The following LUM variants were observed in gnomAD, a reference collection of about 807,000 sequenced individuals.
LUM encodes lumican.
LUM carries 13 observed loss-of-function variants against 20.5 expected under a neutral mutation model. That is an observed-to-expected ratio of 0.63 (90% confidence interval 0.41 to 1.01). The LOEUF (loss-of-function observed/expected upper bound fraction) is 1.01. LUM is among the 50% of genes least tolerant of loss of function. The pLI is 0.00. For synonymous variants in LUM, 173 were observed against 151.5 expected (o/e 1.14, Z -1.04); for missense variants, 321 against 391.1 (o/e 0.82, Z 1.51).
intron 2 of LUM, among the ~76,000 whole-genome samples, chr12:91,107,199 A>AAAAGAAAGAAAGAAAG (rs71097876): frequency 4.3e-5 from 2 of 46,390 alleles, no homozygotes; most frequent in African/African-American, 1.8e-4. Context: ...GAAGGAAAGA[A>AAAAGAAAGAAAGAAAG]AAAGAAAGAA....
rs1201897527 is a variant in LUM, at chr12:91,111,446, T to C, written c.-70A>G. The C allele has an allele frequency of 6.7e-6, 1 of 149,330 alleles. No individual in the cohort carries two copies. The highest frequency in any genetic ancestry group is 1.5e-5 in the Non-Finnish European group (1 of 67,932). 9.3% of individuals were successfully genotyped at this position (149,330 alleles called of 1,614,324 possible). A position where few individuals can be genotyped will look rare whatever the true frequency, so the allele number is the denominator to read the frequency against. The stretch of plus-strand genomic sequence containing the variant: ...GTTAATTCTTAAAGCAGATGCACTA[T>C]GGACAAGAATCCACCAATATATGCT... On this transcript the variant is annotated 5_prime_UTR_variant, in exon 1 of 3. Coordinates refer to ENST00000266718, the MANE Select transcript of LUM (RefSeq NM_002345.4).
intron 1 of LUM, among the ~76,000 whole-genome samples, chr12:91,110,318 C>T (rs913807803): frequency 1.3e-5 from 2 of 152,060 alleles, no homozygotes; most frequent in Non-Finnish European, 2.9e-5. Flanking sequence ...CTGAAAACGT[C>T]TTTTATTTGT....
chr12:91,110,647 G>C (rs557834766), intron 1 of LUM, among the ~76,000 whole-genome samples: 10 of 152,116 alleles, frequency 6.6e-5, no homozygotes, highest in Non-Finnish European at 1.5e-4. Context: ...CAACTATAAT[G>C]TGAGTATTAA....
Position 91,108,466 on chromosome 12 carries a change from T to C in LUM, c.514A>G (p.Lys172Glu), listed in dbSNP as rs1181608361. The change falls in exon 2 of 3, where the codon AAA becomes GAA. Residue 172 changes from lysine (K) to glutamate (E), a missense_variant. Lys to Glu is a moderately conservative substitution (Grantham distance 56, BLOSUM62 1). Coordinates refer to ENST00000266718, the MANE Select transcript of LUM (RefSeq NM_002345.4). The surrounding 1 kb of genome is among the most constrained non-coding windows in gnomAD (Gnocchi z 4.2). ...AAAGCAGCTGAAACAGCATCCTCTTTCAGCCGATTGTGCTGGAGATGGATG... is the reference window on the plus strand; with the variant it reads ...AAAGCAGCTGAAACAGCATCCTCTTCCAGCCGATTGTGCTGGAGATGGATG... Reference protein sequence around the residue: ...TFIHLQHNRLKEDAVSAAFKG... With the variant: ...TFIHLQHNRLEEDAVSAAFKG... 2 of 1,614,108 alleles carry C rather than the reference T, an allele frequency of 1.2e-6. No homozygotes were observed.
intron 2 of LUM, among the ~76,000 whole-genome samples, chr12:91,107,350 A>AGG (rs1880102738): frequency 7.1e-6 from 1 of 140,946 alleles, no homozygotes; most frequent in African/African-American, 2.5e-5. Context: ...AGAAAGGGAA[A>AGG]GAAAGGAAGG....
chr12:91,104,481 C>T (rs1879987406), intron 2 of LUM, among the ~76,000 whole-genome samples, 162 bp from the exon 3 acceptor site: 2 of 152,066 alleles, frequency 1.3e-5, no homozygotes, highest in Admixed American at 1.3e-4. Flanking sequence ...AGGCATATTT[C>T]AGGCTACCAA....
At position 91,104,161 on chromosome 12, in the gene LUM, G is replaced by A. The variant is rs367992395; in HGVS notation, c.*4C>T. ...CCATAAAATATTGTTCCAGGATACA[G>A]ATATTAATTAAGAGTGACTTCGTTA... On this transcript the variant is annotated 3_prime_UTR_variant, in exon 3 of 3. Coordinates refer to ENST00000266718, the MANE Select transcript of LUM (RefSeq NM_002345.4). 9 of 1,608,064 alleles carry A rather than the reference G, an allele frequency of 5.6e-6. No individual in the cohort carries two copies. Among genetic ancestry groups the A allele is most frequent in the East Asian group, 2.2e-5 (1 of 44,698 alleles).
intron 2 of LUM, among the ~76,000 whole-genome samples, chr12:91,107,327 A>AAG (rs1880099110): frequency 6.9e-6 from 1 of 144,752 alleles, no homozygotes; most frequent in African/African-American, 2.5e-5. Flanking sequence ...GAAAGAAAGA[A>AAG]AGAAAGAAAG....
At position 91,103,994 on chromosome 12, in the gene LUM, G is replaced by A; in HGVS notation, c.*171C>T. 1.8e-6 allele frequency: 1 copy of A among 560,152 alleles called. No homozygotes were observed. The highest frequency in any genetic ancestry group is 2.4e-5 in the South Asian group (1 of 41,710). 34.7% of individuals were successfully genotyped at this position (560,152 alleles called of 1,614,324 possible). A position where few individuals can be genotyped will look rare whatever the true frequency, so the allele number is the denominator to read the frequency against. ...TTCGTGTATATGTGTGTGTTCTTGT[G>A]ATGAAATAGGCCTGCCTTTCATCTT... On this transcript the variant is annotated 3_prime_UTR_variant, in exon 3 of 3. Coordinates refer to ENST00000266718, the MANE Select transcript of LUM (RefSeq NM_002345.4).
intron 1 of LUM, among the ~76,000 whole-genome samples, 172 bp from the exon 2 acceptor site, chr12:91,109,172 G>T (rs570109117): frequency 6.6e-6 from 1 of 152,190 alleles, no homozygotes; most frequent in Non-Finnish European, 1.5e-5. Context: ...GGACAAAGGT[G>T]TATGTTTACA....
chr12:91,110,140 C>T (rs1290393439), intron 1 of LUM, among the ~76,000 whole-genome samples: 1 of 152,056 alleles, frequency 6.6e-6, no homozygotes, highest in African/African-American at 2.4e-5. Flanking sequence ...ATAGAGTGAA[C>T]AGTTGTGGCT....
At chr12:91,104,476 T>C (rs527446594) in intron 2 of LUM, among the ~76,000 whole-genome samples, 157 bp from the exon 3 acceptor site, 28 of 152,262 alleles carry the variant, frequency 1.8e-4, no homozygotes, top group African/African-American at 6.7e-4. Flanking sequence ...ATTAAAGGCA[T>C]ATTTCAGGCT....
Position 91,108,802 on chromosome 12 carries a change from T to C in LUM, c.178A>G (p.Ser60Gly). ...AMYCDELKLK[S>G]VPMVPPGIKY... The stretch of plus-strand genomic sequence containing the variant: ...ATTCCAGGAGGCACCATTGGTACAC[T>C]TTTCAATTTCAGCTCATCACAGTAC... Residue 60 changes from serine to glycine, a missense_variant, in exon 2 of 3, where the codon AGT (serine) becomes GGT (glycine). Coordinates refer to ENST00000266718, the MANE Select transcript of LUM (RefSeq NM_002345.4). The surrounding 1 kb of genome is among the most constrained non-coding windows in gnomAD (Gnocchi z 4.2). 2.5e-6 allele frequency: 4 copies of C among 1,614,090 alleles called. No individual in the cohort carries two copies. Among genetic ancestry groups the C allele is most frequent in the Non-Finnish European group, 3.4e-6 (4 of 1,179,984 alleles).
chr12:91,105,553 A>C (rs1880012091), intron 2 of LUM, among the ~76,000 whole-genome samples: 1 of 152,202 alleles, frequency 6.6e-6, no homozygotes, highest in Non-Finnish European at 1.5e-5. Flanking sequence ...TTTCTGTATT[A>C]AGTGAATGTG....
rs1349391057 is a variant in LUM at position 91,108,050 on chromosome 12, T to C, written c.862+68A>G. On this transcript the variant is annotated intron_variant, in intron 2 of 2. Transcript: ENST00000266718. The surrounding 1 kb of genome is among the most constrained non-coding windows in gnomAD (Gnocchi z 4.2). ...TTTTAATGGAGCCAGATGCAATATC[T>C]GTGTTGTGCAGCCCAGGTATTTAAA... is the stretch of plus-strand genomic sequence containing the variant. 2.4e-5 allele frequency: 37 copies of C among 1,529,270 alleles called. No homozygotes were observed. 94.7% of individuals were successfully genotyped at this position (1,529,270 alleles called of 1,614,324 possible).
At chr12:91,107,299 A>G (rs1285930979) in intron 2 of LUM, among the ~76,000 whole-genome samples, 38 of 129,824 alleles carry the variant, frequency 2.9e-4, no homozygotes, top group African/African-American at 1.0e-3. Context: ...GAAAGAAAGA[A>G]AGAAAGAAAG....
intron 2 of LUM, among the ~76,000 whole-genome samples, chr12:91,107,299 A>AG (rs1565758464): frequency 7.7e-5 from 10 of 129,828 alleles, no homozygotes; most frequent in African/African-American, 3.1e-4. Flanking sequence ...GAAAGAAAGA[A>AG]AGAAAGAAAG....
At chr12:91,107,802 A>G (rs1592662902) in intron 2 of LUM, among the ~76,000 whole-genome samples, 2 of 151,508 alleles carry the variant, frequency 1.3e-5, no homozygotes, top group East Asian at 2.0e-4. Flanking sequence ...TGCAACCTCT[A>G]TCTCCCAGGT....
At chr12:91,109,813 G>T (rs1386471608) in intron 1 of LUM, among the ~76,000 whole-genome samples, 1 of 152,132 alleles carries the variant, frequency 6.6e-6, no homozygotes, top group Non-Finnish European at 1.5e-5. Context: ...TAGAGTTATA[G>T]TCTCTCTCAA....
Sources: gnomAD v4.1 joint callset for allele counts (sites outside exome capture counted in the v4.1 genomes callset) on GRCh38, gnomAD v4.1.1 for gene constraint, Gnocchi (gnomAD v3.1) non-coding constraint, MANE v1.5 for transcripts, NCBI Gene and HGNC (gene_info 2026-07-23, HGNC 2026-07-21) for gene names.